Variants in ZNF335 observed in about 807,000 individuals in gnomAD.
The protein encoded by ZNF335 is NRC-interacting factor 1.
In ZNF335, 84 loss-of-function variants were observed where a neutral mutation model predicts 145.6. The observed-to-expected ratio is 0.58, with a 90% confidence interval of 0.48 to 0.69. ZNF335 has a LOEUF of 0.69. Ranked by LOEUF, ZNF335 falls within the 30% of genes least tolerant of loss-of-function variation. The probability of loss-of-function intolerance (pLI) is 0.00; values close to 1 mark genes in which losing one functional copy is unlikely to be tolerated. For synonymous variants in ZNF335, 761 were observed against 717.0 expected (o/e 1.06, Z -0.98); for missense variants, 1,865 against 1,809.7 (o/e 1.03, Z -0.55).
At position 45,971,422 on chromosome 20, in the gene ZNF335, G is replaced by A; in HGVS notation, c.-12C>T. On this transcript the variant is annotated 5_prime_UTR_variant, in exon 2 of 28. Coordinates refer to ENST00000322927, the MANE Select transcript of ZNF335 (RefSeq NM_022095.4). ...TCGTTCTCCTCCATCTGATCGGCGG[G>A]CTGCCTGACAGCGGGGCGTAGGGTC... 1 of 1,598,980 alleles carries A rather than the reference G, an allele frequency of 6.3e-7. No homozygotes were observed. Among genetic ancestry groups the A allele is most frequent in the Non-Finnish European group, 8.5e-7 (1 of 1,179,530 alleles).
intron 16 of ZNF335, 48 bp from the exon 17 acceptor site, chr20:45,957,728 C>T (rs1354859177): frequency 6.2e-7 from 1 of 1,607,722 alleles, no homozygotes; most frequent in South Asian, 1.1e-5. Context: ...AAAACTGGCA[C>T]CCAATACCAC....
intron 12 of ZNF335, 21 bp downstream of exon 12, chr20:45,960,595 C>T: frequency 6.2e-7 from 1 of 1,614,058 alleles, no homozygotes; most frequent in Non-Finnish European, 8.5e-7. Flanking sequence ...CCTCTCAGCC[C>T]CAGCCCTGGC....
Position 45,965,781 on chromosome 20 carries a change from G to C in ZNF335, c.956-7C>G, listed in dbSNP as rs987913040. 2 of 1,597,444 alleles carry C rather than the reference G, an allele frequency of 1.3e-6. No homozygotes were observed. The highest frequency in any genetic ancestry group is 1.4e-5 in the African/African-American group (1 of 73,208). On this transcript the variant is annotated splice_polypyrimidine_tract_variant and splice_region_variant and intron_variant, in intron 6 of 27. Coordinates refer to ENST00000322927, the MANE Select transcript of ZNF335 (RefSeq NM_022095.4). Reference sequence around the variant, plus strand: ...GGATTATAGTCGCTATCCTCTGTGGGGGACAGTAAAGTTGGTGAACAGTGA... The same window carrying C: ...GGATTATAGTCGCTATCCTCTGTGGCGGACAGTAAAGTTGGTGAACAGTGA...
At chr20:45,957,468 T>G in intron 17 of ZNF335, 118 bp downstream of exon 17, 2 of 959,040 alleles carry the variant, frequency 2.1e-6, no homozygotes, top group Admixed American at 2.2e-5. Context: ...CTCCACTGCC[T>G]GGGAGCTCCC....
intron 7 of ZNF335, among the ~76,000 whole-genome samples, chr20:45,965,069 T>TAATAATAATAATAATAATACA (rs1203499217): frequency 6.8e-6 from 1 of 147,846 alleles, no homozygotes; most frequent in African/African-American, 2.5e-5. Flanking sequence ...ATAATAATAA[T>TAATAATAATAATAATAATACA]ACAACAACTC....
At chr20:45,959,747 G>A (rs955069089) in intron 14 of ZNF335, among the ~76,000 whole-genome samples, 2 of 152,284 alleles carry the variant, frequency 1.3e-5, no homozygotes, top group Middle Eastern at 3.4e-3. Flanking sequence ...CTAGTGTGCT[G>A]ACCAGGGAGC....
chr20:45,971,318 G>A lies in ZNF335; in HGVS notation c.93C>T (p.Thr31=). The part of the protein sequence containing the change: ...EPSESGLGVG[T]SEAVSADSSD... The stretch of plus-strand genomic sequence containing the variant: ...TGCTGTCGGCGGACACGGCTTCTGA[G>A]GTGCCCACACCCAGGCCGCTCTCAG... Residue 31 remains threonine (T), a synonymous_variant, in exon 2 of 28, where the codon ACC becomes ACT. Coordinates refer to ENST00000322927, the MANE Select transcript of ZNF335 (RefSeq NM_022095.4). The A allele has an allele frequency of 1.3e-6, 2 of 1,596,136 alleles. No homozygotes were observed. Among genetic ancestry groups the A allele is most frequent in the East Asian group, 2.2e-5 (1 of 44,668 alleles).
chr20:45,967,332 A>G, intron 6 of ZNF335, 162 bp downstream of exon 6: 1 of 1,063,896 alleles, frequency 9.4e-7, no homozygotes, highest in Non-Finnish European at 1.4e-6. Flanking sequence ...ACAACTGCAC[A>G]CAGAAGTCCT....
Position 45,972,186 on chromosome 20 carries a change from T to C in ZNF335, c.-115A>G, listed in dbSNP as rs796718085. Reference sequence around the variant, plus strand: ...TCGACGAGGTCGCCATCCTCTTTCCTCCGCTGCGGAGGAACCCATCGGCCT... The same window carrying C: ...TCGACGAGGTCGCCATCCTCTTTCCCCCGCTGCGGAGGAACCCATCGGCCT... On this transcript the variant is annotated 5_prime_UTR_variant, in exon 1 of 28. Transcript: ENST00000322927. The C allele has an allele frequency of 3.1e-6, 4 of 1,288,974 alleles. No homozygotes were observed. In the South Asian group the frequency reaches 3.7e-5, roughly 12 times the overall value. The allele number at this position is 1,288,974 out of a possible 1,614,324, so 79.8% of individuals were successfully genotyped here.
intron 1 of ZNF335, 25 bp downstream of exon 1, chr20:45,972,097 C>T: frequency 7.8e-7 from 1 of 1,288,746 alleles, no homozygotes; most frequent in South Asian, 1.2e-5. Context: ...TACGGTGGGG[C>T]CGCCTAACTC....
At chr20:45,971,831 A>T (rs1230960333) in intron 1 of ZNF335, 1 of 985,124 alleles carries the variant, frequency 1.0e-6, no homozygotes, top group Admixed American at 6.1e-5. Context: ...CCCCTGGGTC[A>T]GTGGTTCGCT....
In ZNF335 at chr20:45,949,572, TTGG is replaced by T. The variant is rs760719803; in HGVS notation, c.3670-7_3670-5del. On this transcript the variant is annotated splice_polypyrimidine_tract_variant and splice_region_variant and intron_variant, in intron 24 of 27. Transcript: ENST00000322927. Reference sequence around the variant, plus strand: ...CCTGGGAGATGATATACTGCACCTGTTGGTGGGGGGGGCGGGCATGGCGAGGCA... The same window carrying T: ...CCTGGGAGATGATATACTGCACCTGTTGGGGGGGGCGGGCATGGCGAGGCA... The T allele has an allele frequency of 6.2e-7, 1 of 1,608,172 alleles. No homozygotes were observed. Among genetic ancestry groups the T allele is most frequent in the Non-Finnish European group, 8.5e-7 (1 of 1,177,974 alleles).
In ZNF335 at chr20:45,953,672, C is replaced by T; in HGVS notation, c.2702+17G>A. 6.2e-7 allele frequency: 1 copy of T among 1,609,982 alleles called. No individual in the cohort carries two copies. Among genetic ancestry groups the T allele is most frequent in the Non-Finnish European group, 8.5e-7 (1 of 1,176,688 alleles). On this transcript the variant is annotated intron_variant, in intron 18 of 27. Transcript: ENST00000322927. ...CTACAAAAAGCTGAAAGGGGCCTTG[C>T]AGGCAGCAGGTCTCACCTGTAAGGT...
chr20:45,964,668 T>C (rs1281733281), intron 7 of ZNF335, among the ~76,000 whole-genome samples: 1 of 152,212 alleles, frequency 6.6e-6, no homozygotes, highest in African/African-American at 2.4e-5. Flanking sequence ...TGAAAACTCA[T>C]TGACCTGGGC....
intron 2 of ZNF335, 26 bp downstream of exon 2, chr20:45,971,184 C>G (rs757424794): frequency 3.3e-6 from 5 of 1,499,456 alleles, no homozygotes; most frequent in Admixed American, 4.4e-5. Flanking sequence ...CTTGCCTCCA[C>G]CCACGCCGTC....
In ZNF335 at chr20:45,950,708, C is replaced by T. The variant is rs2083615376; in HGVS notation, c.3190-113G>A. 1.5e-5 allele frequency: 22 copies of T among 1,469,190 alleles called. No individual in the cohort carries two copies. The South Asian group carries it at 2.1e-4, about 14-fold the overall frequency. The allele number at this position is 1,469,190 out of a possible 1,614,324, so 91.0% of individuals were successfully genotyped here. ...ACCAGACAAAGTGGACCTGGGAAAA[C>T]CAAAATCCTGTGCACTAACAAGAAG... On this transcript the variant is annotated intron_variant, in intron 20 of 27. Coordinates refer to ENST00000322927, the MANE Select transcript of ZNF335 (RefSeq NM_022095.4).
intron 17 of ZNF335, among the ~76,000 whole-genome samples, chr20:45,955,122 G>A (rs890419296): frequency 3.3e-5 from 5 of 151,644 alleles, no homozygotes; most frequent in Admixed American, 2.0e-4. Flanking sequence ...AGGCCGAGGC[G>A]GGCAGATCAT....
At chr20:45,961,351 A>C (rs1022594487) in intron 10 of ZNF335, among the ~76,000 whole-genome samples, 10 of 152,096 alleles carry the variant, frequency 6.6e-5, no homozygotes, top group Non-Finnish European at 1.0e-4. Context: ...TAATTGTGCC[A>C]CTCTATTCCA....
Position 45,960,194 on chromosome 20 carries a change from G to A in ZNF335, c.2020+14C>T, listed in dbSNP as rs375883835. 120 of 1,613,472 alleles carry A rather than the reference G, an allele frequency of 7.4e-5. 1 individual carries two copies. The highest frequency in any genetic ancestry group is 9.9e-5 in the Non-Finnish European group (117 of 1,179,888). On this transcript the variant is annotated intron_variant, in intron 14 of 27. Transcript: ENST00000322927. ...GAGGGCTGGTGAGTGGGGCTGGGGT[G>A]TGTCCAGCCTGACCTGTGTGCTTGA...
Sources: gnomAD v4.1 joint callset for allele counts (sites outside exome capture counted in the v4.1 genomes callset) on GRCh38, gnomAD v4.1.1 for gene constraint, MANE v1.5 for transcripts, NCBI Gene and HGNC (gene_info 2026-07-23, HGNC 2026-07-21) for gene names.